Variants in AUTS2 observed in about 807,000 individuals in gnomAD.
The protein encoded by AUTS2 is autism susceptibility gene 2 protein.
A neutral mutation model predicts 112.4 loss-of-function variants in AUTS2; 17 were observed. The observed-to-expected ratio is 0.15, with a 90% CI of 0.10 to 0.23. The LOEUF (loss-of-function observed/expected upper bound fraction) is 0.23, where lower values mean the gene tolerates loss of function less well. Among genes scored for constraint, AUTS2 ranks in the 10% least tolerant of loss-of-function variants. The pLI is 1.00. For missense variants in AUTS2, 1,510 were observed against 1,701.6 expected (o/e 0.89, Z 1.98); for synonymous variants, 751 against 702.7 (o/e 1.07, Z -1.09).
chr7:70,458,346 A>G (rs1013921418), intron 5 of AUTS2, among the ~76,000 whole-genome samples: 1 of 152,172 alleles, frequency 6.6e-6, no homozygotes, highest in African/African-American at 2.4e-5. Context: ...TGCTAAGAGC[A>G]TTGCGCCTGG....
intron 5 of AUTS2, among the ~76,000 whole-genome samples, chr7:70,476,322 A>G (rs1227159181): frequency 6.6e-6 from 1 of 152,032 alleles, no homozygotes; most frequent in Admixed American, 6.6e-5. Context: ...CTGGGTTCCA[A>G]TGGCTCAGAG....
At chr7:70,435,842 C>T (rs1795872306) in intron 5 of AUTS2, 61 bp downstream of exon 5, 5 of 1,556,848 alleles carry the variant, frequency 3.2e-6, no homozygotes, top group Non-Finnish European at 4.4e-6. Context: ...CCAGAGTCCT[C>T]CCACACACAG....
chr7:69,816,807 C>G (rs973892244), intron 1 of AUTS2, among the ~76,000 whole-genome samples: 1 of 152,208 alleles, frequency 6.6e-6, no homozygotes, highest in East Asian at 1.9e-4. Context: ...GCTGGGACAT[C>G]TGATTCCAAA....
chr7:69,635,617 C>T (rs1794484044), intron 1 of AUTS2, among the ~76,000 whole-genome samples: 2 of 152,158 alleles, frequency 1.3e-5, no homozygotes, highest in Non-Finnish European at 2.9e-5. Context: ...CTGATTTGCT[C>T]ATCTCAGAGC....
At chr7:70,232,917 A>G (rs990371072) in intron 4 of AUTS2, among the ~76,000 whole-genome samples, 2 of 152,216 alleles carry the variant, frequency 1.3e-5, no homozygotes, top group African/African-American at 4.8e-5. Context: ...CCAGAATCGT[A>G]TGCTTTTTAA....
intron 5 of AUTS2, among the ~76,000 whole-genome samples, chr7:70,643,197 G>A (rs1171141139): frequency 1.3e-5 from 2 of 152,162 alleles, no homozygotes; most frequent in African/African-American, 4.8e-5. Flanking sequence ...CTCCATCCCA[G>A]GTCTTGCCCT....
At chr7:70,096,618 A>AG (rs1347513755) in intron 2 of AUTS2, among the ~76,000 whole-genome samples, 4 of 149,668 alleles carry the variant, frequency 2.7e-5, no homozygotes, top group African/African-American at 9.8e-5. Context: ...AAAAAAAAAG[A>AG]AAAAAAAAGA....
At chr7:69,717,892 G>C (rs1364031757) in intron 1 of AUTS2, among the ~76,000 whole-genome samples, 2 of 152,136 alleles carry the variant, frequency 1.3e-5, no homozygotes, top group Non-Finnish European at 2.9e-5. Context: ...GGATTATTAA[G>C]AGATAAGACC....
chr7:70,077,865 G>T (rs1181255237), intron 2 of AUTS2, among the ~76,000 whole-genome samples: 3 of 152,100 alleles, frequency 2.0e-5, no homozygotes, highest in Non-Finnish European at 4.4e-5. Context: ...TTAAACTCCA[G>T]ACCCTGGGAT....
At chr7:70,387,398 C>A (rs982074062) in intron 4 of AUTS2, among the ~76,000 whole-genome samples, 9 of 152,324 alleles carry the variant, frequency 5.9e-5, no homozygotes, top group African/African-American at 1.9e-4. Context: ...CTCTGGCACT[C>A]CACATTATCC....
chr7:69,685,214 G>A (rs568324691), intron 1 of AUTS2, among the ~76,000 whole-genome samples: 132 of 152,148 alleles, frequency 8.7e-4, no homozygotes, highest in Non-Finnish European at 1.7e-3. Context: ...TAACTTGCTG[G>A]AGGCTTCCTC....
At chr7:70,565,508 G>A (rs979782900) in intron 5 of AUTS2, among the ~76,000 whole-genome samples, 2 of 152,256 alleles carry the variant, frequency 1.3e-5, no homozygotes, top group Middle Eastern at 6.8e-3. Context: ...GGGAAACCCT[G>A]TCTCTACAAA....
intron 5 of AUTS2, among the ~76,000 whole-genome samples, chr7:70,684,728 T>C (rs1808384921): frequency 6.6e-6 from 1 of 151,988 alleles, no homozygotes; most frequent in African/African-American, 2.4e-5. Flanking sequence ...AGGGAAGGAA[T>C]GTGACATGCC....
At chr7:70,618,763 A>G (rs969885187) in intron 5 of AUTS2, among the ~76,000 whole-genome samples, 5 of 152,142 alleles carry the variant, frequency 3.3e-5, no homozygotes, top group African/African-American at 9.7e-5. Flanking sequence ...ACACAGGGAG[A>G]GAGAGAGCAA....
At chr7:70,444,711 C>T (rs1796254221) in intron 5 of AUTS2, among the ~76,000 whole-genome samples, 1 of 152,070 alleles carries the variant, frequency 6.6e-6, no homozygotes, top group Admixed American at 6.6e-5. Flanking sequence ...TCTTCAGGTA[C>T]CCGAAGAATA....
In AUTS2 at chr7:69,991,133, A is replaced by C. The variant is rs556287356; in HGVS notation, c.522+91635A>C. Among the ~76,000 whole-genome samples the C allele has an allele frequency of 2.0e-5, 3 of 152,316 alleles. No homozygotes were observed. The South Asian group carries it at 6.2e-4, about 32-fold the overall frequency. On this transcript the variant is annotated intron_variant, in intron 2 of 18. Transcript: ENST00000342771. ...AACTGGAACAGAGAGCTGGAAATTC[A>C]GCTCCTTCCAGGCAGATCTGCCTTG... is the stretch of plus-strand genomic sequence containing the variant.
At chr7:70,680,610 C>T (rs1172314489) in intron 5 of AUTS2, among the ~76,000 whole-genome samples, 1 of 152,190 alleles carries the variant, frequency 6.6e-6, no homozygotes, top group African/African-American at 2.4e-5. Context: ...TTTGCAAATG[C>T]AGGTTGTCAG....
At position 70,685,518 on chromosome 7, in the gene AUTS2, C is replaced by T. The variant is rs1323116305; in HGVS notation, c.691-13051C>T. ...AGAAGAAGAAAAAAGAGAAATAGTT[C>T]TCCCTCAGTAGTCCTCCCTCAAACT... On this transcript the variant is annotated intron_variant, in intron 5 of 18. Coordinates refer to ENST00000342771, the MANE Select transcript of AUTS2 (RefSeq NM_015570.4). Among the ~76,000 whole-genome samples, 3 of 149,974 alleles carry T rather than the reference C, an allele frequency of 2.0e-5. No individual in the cohort carries two copies. The East Asian group carries it at 5.9e-4, about 30-fold the overall frequency.
intron 4 of AUTS2, among the ~76,000 whole-genome samples, chr7:70,167,607 TAC>T (rs1347828439): frequency 6.6e-6 from 1 of 151,980 alleles, no homozygotes; most frequent in Non-Finnish European, 1.5e-5. Flanking sequence ...AACAGCAAAA[TAC>T]AGTTTTTTGT....
Sources: allele counts gnomAD v4.1 joint callset (sites outside exome capture counted in the v4.1 genomes callset), GRCh38; gene constraint gnomAD v4.1.1; transcripts MANE v1.5; gene names NCBI Gene and HGNC (gene_info 2026-07-23, HGNC 2026-07-21).